The following SYT1 variants were observed in gnomAD, a reference collection of about 807,000 sequenced individuals.
SYT1 encodes synaptotagmin 1, also known as synaptotagmin-1.
In SYT1, 8 loss-of-function variants were observed where a neutral mutation model predicts 44.8. The ratio of observed to expected loss-of-function variants is 0.18; its 90% CI spans 0.10 to 0.32. SYT1 has a LOEUF of 0.32. Among genes scored for constraint, SYT1 ranks in the 10% least tolerant of loss-of-function variants. SYT1 has a pLI of 1.00. For synonymous variants in SYT1, 154 were observed against 188.8 expected (o/e 0.82, Z 1.51); for missense variants, 286 against 509.3 (o/e 0.56, Z 4.22).
intron 4 of SYT1, among the ~76,000 whole-genome samples, chr12:79,271,453 C>T (rs551007447): frequency 1.3e-5 from 2 of 151,922 alleles, no homozygotes; most frequent in Non-Finnish European, 2.9e-5. Context: ...AAAAATGTAC[C>T]GTATTATGTT....
In SYT1 at chr12:79,047,354, A is replaced by G. The variant is rs1376944848; in HGVS notation, c.-26A>G. On this transcript the variant is annotated 5_prime_UTR_variant, in exon 3 of 11. Transcript: ENST00000261205. ...AAGAAAAACATACTCCAGAATTCCT[A>G]ATAGAACAGTAAGTACTTTAATGAC... 6.6e-6 allele frequency: 1 copy of G among 151,880 alleles called. No individual in the cohort carries two copies. The highest frequency in any genetic ancestry group is 1.5e-5 in the Non-Finnish European group (1 of 67,802). 9.4% of individuals were successfully genotyped at this position (151,880 alleles called of 1,614,324 possible). A position where few individuals can be genotyped will look rare whatever the true frequency, so the allele number is the denominator to read the frequency against.
chr12:79,349,033 A>AAGAAAGAAAGAGAAAG, intron 8 of SYT1, among the ~76,000 whole-genome samples: 1 of 120,282 alleles, frequency 8.3e-6, no homozygotes, highest in African/African-American at 3.2e-5. Context: ...GAAAGAAAGA[A>AAGAAAGAAAGAGAAAG]AAAGAAAGAA....
intron 3 of SYT1, among the ~76,000 whole-genome samples, chr12:79,154,661 T>C (rs759625597): frequency 6.6e-6 from 1 of 152,122 alleles, no homozygotes; most frequent in Non-Finnish European, 1.5e-5. Context: ...TGTTGGGGCA[T>C]GTGATAACTA....
chr12:79,179,360 A>AGATATATCGATATATCTATATC (rs1565841959), intron 3 of SYT1, among the ~76,000 whole-genome samples: 45,770 of 65,744 alleles, frequency 0.7, 16,729 homozygotes, highest in African/African-American at 0.76. Context: ...ATATCGATAT[A>AGATATATCGATATATCTATATC]GATATAGATA....
chr12:78,932,880 T>C (rs750925777), intron 1 of SYT1, among the ~76,000 whole-genome samples: 6 of 152,328 alleles, frequency 3.9e-5, no homozygotes, highest in Middle Eastern at 3.4e-3. Flanking sequence ...ATTTCAATTA[T>C]AGGCGCATAA....
chr12:79,160,949 T>C (rs1322573407), intron 3 of SYT1, among the ~76,000 whole-genome samples: 1 of 152,110 alleles, frequency 6.6e-6, no homozygotes. Context: ...ATTATAAGAC[T>C]GGGCCAGGCG....
intron 1 of SYT1, among the ~76,000 whole-genome samples, chr12:78,907,741 T>A (rs1425113485): frequency 1.3e-5 from 2 of 152,032 alleles, no homozygotes; most frequent in African/African-American, 4.8e-5. Flanking sequence ...GTCATGAAGC[T>A]ACCTTTTATT....
chr12:79,320,565 C>T (rs757349427), intron 8 of SYT1, among the ~76,000 whole-genome samples: 11 of 151,600 alleles, frequency 7.3e-5, no homozygotes, highest in East Asian at 1.9e-4. Context: ...ACTCTCCAAA[C>T]GTCATATCAG....
intron 9 of SYT1, among the ~76,000 whole-genome samples, chr12:79,356,134 G>T (rs1410657361): frequency 6.7e-6 from 1 of 150,288 alleles, no homozygotes; most frequent in African/African-American, 2.5e-5. Context: ...GAACAACCAC[G>T]GGGCTTCTGG....
chr12:79,087,548 G>A (rs1393275850), intron 3 of SYT1, among the ~76,000 whole-genome samples: 1 of 152,096 alleles, frequency 6.6e-6, no homozygotes, highest in South Asian at 2.1e-4. Context: ...ACTAGTTCCT[G>A]TCCTCAGAGA....
At chr12:79,243,709 A>G (rs1876650056) in intron 4 of SYT1, among the ~76,000 whole-genome samples, 1 of 152,164 alleles carries the variant, frequency 6.6e-6, no homozygotes, top group Non-Finnish European at 1.5e-5. Context: ...TGTACTAAGT[A>G]TCTTTATCTC....
At chr12:78,984,832 C>T (rs944097045) in intron 2 of SYT1, among the ~76,000 whole-genome samples, 9 of 151,648 alleles carry the variant, frequency 5.9e-5, no homozygotes, top group East Asian at 1.9e-4. Flanking sequence ...ATCCTGGGTA[C>T]GGTCACTTCG....
At chr12:78,959,566 C>T (rs1311651832) in intron 1 of SYT1, among the ~76,000 whole-genome samples, 2 of 152,210 alleles carry the variant, frequency 1.3e-5, no homozygotes, top group Admixed American at 6.5e-5. Flanking sequence ...GGGGGAACTT[C>T]GCCATAGATA....
chr12:78,881,185 G>A (rs533218978), intron 1 of SYT1, among the ~76,000 whole-genome samples: 1 of 151,652 alleles, frequency 6.6e-6, no homozygotes, highest in African/African-American at 2.4e-5. Context: ...GCTCGTCACA[G>A]TACTTGTCAC....
chr12:79,208,472 A>G (rs1874252758), intron 3 of SYT1, among the ~76,000 whole-genome samples: 1 of 152,210 alleles, frequency 6.6e-6, no homozygotes, highest in Non-Finnish European at 1.5e-5. Flanking sequence ...TAATCAAAGA[A>G]AGAAAAGAAA....
rs373466629 is a variant in SYT1, at chr12:79,248,334, A to C, written c.166+30649A>C. On this transcript the variant is annotated intron_variant, in intron 4 of 10. Coordinates refer to ENST00000261205, the MANE Select transcript of SYT1 (RefSeq NM_005639.3). ...TATTAGAAAAAAACTAGGACTCAAC[A>C]GACGGAGAGATTGGGTTGTGCAGGT... Among the ~76,000 whole-genome samples the C allele has an allele frequency of 1.8e-4, 28 of 152,346 alleles. No homozygotes were observed. The East Asian group carries it at 3.3e-3, about 18-fold the overall frequency.
chr12:79,057,052 G>T (rs1325619541), intron 3 of SYT1, among the ~76,000 whole-genome samples: 1 of 151,914 alleles, frequency 6.6e-6, no homozygotes, highest in Non-Finnish European at 1.5e-5. Flanking sequence ...GTATATCCCA[G>T]TCTTAGTAAT....
At chr12:79,411,635 G>A (rs1868436528) in intron 9 of SYT1, among the ~76,000 whole-genome samples, 1 of 151,672 alleles carries the variant, frequency 6.6e-6, no homozygotes, top group Admixed American at 6.6e-5. Flanking sequence ...ATAAATATAT[G>A]TGTTTACATA....
intron 1 of SYT1, among the ~76,000 whole-genome samples, chr12:78,931,253 AG>A (rs1399520883): frequency 1.6e-5 from 1 of 60,812 alleles, no homozygotes; most frequent in African/African-American, 6.1e-5. Context: ...GAAGGAAGGA[AG>A]GAAGGAAGGA....
Sources: allele counts gnomAD v4.1 joint callset (sites outside exome capture counted in the v4.1 genomes callset), GRCh38; gene constraint gnomAD v4.1.1; transcripts MANE v1.5; gene names NCBI Gene and HGNC (gene_info 2026-07-23, HGNC 2026-07-21).